MEF2A: variants seen among roughly 807,000 people sequenced by gnomAD.
The protein encoded by MEF2A is myocyte-specific enhancer factor 2A.
In MEF2A, 28 loss-of-function variants were observed where a neutral mutation model predicts 55.8. That is an observed-to-expected ratio of 0.50 (90% CI 0.37 to 0.69). MEF2A has a LOEUF of 0.69. MEF2A is among the 30% of genes least tolerant of loss of function. The pLI is 0.00. For missense variants in MEF2A, 528 were observed against 626.2 expected (o/e 0.84, Z 1.67); for synonymous variants, 239 against 227.1 (o/e 1.05, Z -0.47).
intron 5 of MEF2A, among the ~76,000 whole-genome samples, chr15:99,673,266 CATT>C (rs2051239659): frequency 6.6e-6 from 1 of 152,024 alleles, no homozygotes; most frequent in South Asian, 2.1e-4. Flanking sequence ...GGGCAAATAC[CATT>C]ATTATTCTTA....
intron 7 of MEF2A, among the ~76,000 whole-genome samples, chr15:99,685,016 A>G (rs1424124731): frequency 6.6e-6 from 1 of 152,072 alleles, no homozygotes; most frequent in Admixed American, 6.6e-5. Context: ...ATTTGGCTTT[A>G]CTTCTGGGTT....
chr15:99,614,331 C>T (rs1244582411), intron 2 of MEF2A, among the ~76,000 whole-genome samples: 1 of 152,102 alleles, frequency 6.6e-6, no homozygotes, highest in Non-Finnish European at 1.5e-5. Context: ...CTCAAGTGAT[C>T]CCTCACCTCA....
At chr15:99,647,506 G>A (rs1596771958) in intron 4 of MEF2A, among the ~76,000 whole-genome samples, 1 of 152,156 alleles carries the variant, frequency 6.6e-6, no homozygotes, top group Non-Finnish European at 1.5e-5. Flanking sequence ...ACTTCACACT[G>A]CCTAAAGCTT....
chr15:99,599,351 A>C (rs141888311), intron 2 of MEF2A, among the ~76,000 whole-genome samples: 93 of 152,286 alleles, frequency 6.1e-4, no homozygotes, highest in African/African-American at 1.9e-3. Flanking sequence ...ATCCAGGCTG[A>C]TGATTATGTC....
chr15:99,635,361 A>G (rs1294854402), intron 3 of MEF2A, among the ~76,000 whole-genome samples: 1 of 152,232 alleles, frequency 6.6e-6, no homozygotes. Context: ...TGACAGTATC[A>G]TAGACTTAAA....
At chr15:99,588,262 G>T (rs907936093) in intron 1 of MEF2A, among the ~76,000 whole-genome samples, 1 of 151,824 alleles carries the variant, frequency 6.6e-6, no homozygotes, top group African/African-American at 2.4e-5. Context: ...GACCACAGGC[G>T]TGTGCCACCA....
chr15:99,643,281 A>G (rs1013594092), intron 3 of MEF2A, among the ~76,000 whole-genome samples: 1 of 152,216 alleles, frequency 6.6e-6, no homozygotes, highest in African/African-American at 2.4e-5. Flanking sequence ...TGTCTTAGAA[A>G]GCTAGTATGT....
chr15:99,651,698 G>C (rs2046872429), intron 4 of MEF2A, among the ~76,000 whole-genome samples: 1 of 152,070 alleles, frequency 6.6e-6, no homozygotes, highest in Non-Finnish European at 1.5e-5. Context: ...TGTAATTTCA[G>C]TTTTACTACT....
chr15:99,567,626 A>AGTGTGTGT (rs1567124507), intron 1 of MEF2A, among the ~76,000 whole-genome samples: 6 of 122,014 alleles, frequency 4.9e-5, no homozygotes, highest in African/African-American at 2.0e-4. Flanking sequence ...TTTTGTATGT[A>AGTGTGTGT]CTGTGTGTGT....
At chr15:99,668,182 G>A (rs72760539) in intron 4 of MEF2A, among the ~76,000 whole-genome samples, 4,936 of 152,258 alleles carry the variant, frequency 0.032, 100 homozygotes, top group Middle Eastern at 0.11. Context: ...TTCTATAGAC[G>A]TGTACTGATG....
chr15:99,659,779 G>A (rs968563762), intron 4 of MEF2A, among the ~76,000 whole-genome samples: 1 of 152,112 alleles, frequency 6.6e-6, no homozygotes, highest in East Asian at 1.9e-4. Context: ...CCGTTCAGTG[G>A]CAATTTTGAC....
chr15:99,643,217 T>TA (rs1474576818), intron 3 of MEF2A, among the ~76,000 whole-genome samples: 1 of 152,212 alleles, frequency 6.6e-6, no homozygotes, highest in African/African-American at 2.4e-5. Context: ...TATTGTAAAA[T>TA]ACTAATTAAC....
chr15:99,674,936 A>G (rs894867852), intron 6 of MEF2A, among the ~76,000 whole-genome samples: 1 of 152,184 alleles, frequency 6.6e-6, no homozygotes, highest in Non-Finnish European at 1.5e-5. Context: ...CATGTTAGAA[A>G]TATGGGTGAT....
intron 2 of MEF2A, among the ~76,000 whole-genome samples, chr15:99,613,993 G>A (rs951728487): frequency 5.9e-5 from 9 of 152,224 alleles, no homozygotes; most frequent in African/African-American, 1.2e-4. Context: ...TAGTTCCGGT[G>A]GTGATAATGT....
At chr15:99,624,082 A>G (rs1223676205) in intron 2 of MEF2A, among the ~76,000 whole-genome samples, 3 of 152,238 alleles carry the variant, frequency 2.0e-5, no homozygotes, top group African/African-American at 7.2e-5. Context: ...TTGGGATTAC[A>G]GGCATGAGCA....
intron 3 of MEF2A, among the ~76,000 whole-genome samples, chr15:99,644,057 C>CT (rs2045522913): frequency 6.6e-6 from 1 of 152,164 alleles, no homozygotes; most frequent in African/African-American, 2.4e-5. Flanking sequence ...CTTCTCAACT[C>CT]TATTTTCATT....
At chr15:99,592,668 A>G (rs1969730978) in intron 1 of MEF2A, among the ~76,000 whole-genome samples, 1 of 152,206 alleles carries the variant, frequency 6.6e-6, no homozygotes, top group Admixed American at 6.5e-5. Context: ...CAAGCTTGTC[A>G]CATGGTAAGA....
At chr15:99,605,705 C>T (rs1468870119) in intron 2 of MEF2A, among the ~76,000 whole-genome samples, 2 of 151,100 alleles carry the variant, frequency 1.3e-5, no homozygotes, top group African/African-American at 2.4e-5. Flanking sequence ...TGCAGTGGCT[C>T]GTGTCTGTAA....
At chr15:99,614,494 A>G (rs1048977591) in intron 2 of MEF2A, among the ~76,000 whole-genome samples, 8 of 152,218 alleles carry the variant, frequency 5.3e-5, no homozygotes, top group Admixed American at 2.6e-4. Context: ...TTAAGCAACT[A>G]TGGTAGCAGC....
Sources: allele counts gnomAD v4.1 joint callset (sites outside exome capture counted in the v4.1 genomes callset), GRCh38; gene constraint gnomAD v4.1.1; transcripts MANE v1.5; gene names NCBI Gene and HGNC (gene_info 2026-07-23, HGNC 2026-07-21).